CCDC88A: variants seen among roughly 807,000 people sequenced by gnomAD.
CCDC88A encodes coiled-coil and HOOK domain protein 88A.
Under a neutral mutation model 234.3 loss-of-function variants are expected in CCDC88A, and 54 were observed. The ratio of observed to expected loss-of-function variants is 0.23; its 90% CI spans 0.19 to 0.29. The LOEUF (loss-of-function observed/expected upper bound fraction) is 0.29. Ranked by LOEUF, CCDC88A falls within the 10% of genes least tolerant of loss-of-function variation. The pLI is 1.00. For missense variants in CCDC88A, 1,832 were observed against 2,123.4 expected, an observed-to-expected ratio of 0.86 and a Z score of 2.70; for synonymous variants, 753 against 737.8, an observed-to-expected ratio of 1.02 and a Z score of -0.33.
chr2:55,312,675 C>T lies in CCDC88A; in HGVS notation c.3934-96G>A. 4.6e-6 allele frequency: 4 copies of T among 865,938 alleles called. No individual in the cohort carries two copies. In the South Asian group the frequency reaches 5.0e-5, roughly 11 times the overall value. The allele number at this position is 865,938 out of a possible 1,614,324, so 53.6% of individuals were successfully genotyped here. A position where few individuals can be genotyped will look rare whatever the true frequency, so the allele number is the denominator to read the frequency against. On this transcript the variant is annotated intron_variant, in intron 22 of 32. Coordinates refer to ENST00000436346, the MANE Select transcript of CCDC88A (RefSeq NM_001365480.1). ...GTACTACACAAAGATTTAAGTGTTC[C>T]ACTGTTTGAACAATTAGATGATTGT...
intron 18 of CCDC88A, chr2:55,320,965 C>A (rs1683552230): frequency 6.6e-6 from 1 of 152,002 alleles, no homozygotes; most frequent in Admixed American, 6.6e-5. Flanking sequence ...CAAAAATTCG[C>A]TGGGTGTGGT....
At chr2:55,353,902 C>T (rs1322764160) in intron 8 of CCDC88A, among the ~76,000 whole-genome samples, 1 of 152,084 alleles carries the variant, frequency 6.6e-6, no homozygotes, top group African/African-American at 2.4e-5. Flanking sequence ...ACGAGTTAGG[C>T]GATTTCATCA....
rs3099082 is a variant in CCDC88A, at chr2:55,359,511, T to A, written c.627+2797A>T. ...CTATACATTTTCAAAATAGTCTGAC[T>A]CAAAAACAAACAAAATAATCTGACG... On this transcript the variant is annotated intron_variant, in intron 7 of 32. Transcript: ENST00000436346. Among the ~76,000 whole-genome samples, 385 of 151,522 alleles carry A rather than the reference T, an allele frequency of 2.5e-3. 3 individuals carry two copies. Among genetic ancestry groups the A allele is most frequent in the African/African-American group, 8.9e-3 (367 of 41,370 alleles).
chr2:55,350,636 T>TTTAAAATATATTA (rs1242579225), intron 8 of CCDC88A: 7 of 148,816 alleles, frequency 4.7e-5, no homozygotes, highest in African/African-American at 1.7e-4. Flanking sequence ...GTGTATATTA[T>TTTAAAATATATTA]TTAAAATATA....
At position 55,302,039 on chromosome 2, in the gene CCDC88A, G is replaced by A; in HGVS notation, c.4505C>T (p.Ala1502Val). 1.9e-6 allele frequency: 3 copies of A among 1,613,848 alleles called. No individual in the cohort carries two copies. Among genetic ancestry groups the A allele is most frequent in the Non-Finnish European group, 2.5e-6 (3 of 1,179,736 alleles). ...CTCAGTACTACCTGTCCACTGTCCTGCTAGGACCATGGACTGCACCAGGTC... is the reference window on the plus strand; with the variant it reads ...CTCAGTACTACCTGTCCACTGTCCTACTAGGACCATGGACTGCACCAGGTC... ...MNDLVQSMVL[A>V]GQWTGSTENL... Residue 1502 changes from alanine (A) to valine (V), a missense_variant, in exon 27 of 33, where the codon GCA becomes GTA. Around this residue, in one of 6 missense-constraint regions of CCDC88A, gnomAD observed 1,282 missense variants for 1,543.6 expected, o/e 0.83. Transcript: ENST00000436346.
chr2:55,418,348 T>C (rs1224998325), intron 2 of CCDC88A: 1 of 161,386 alleles, frequency 6.2e-6, no homozygotes, highest in Admixed American at 5.9e-5. Context: ...CAGAACTGTT[T>C]GAAATTTTCT....
intron 25 of CCDC88A, 195 bp downstream of exon 25, chr2:55,308,614 T>C: frequency 1.9e-6 from 1 of 539,410 alleles, no homozygotes; most frequent in Non-Finnish European, 3.3e-6. Flanking sequence ...GGCCAAATGA[T>C]AGTATATCTG....
At chr2:55,366,132 A>G (rs1298534292) in intron 5 of CCDC88A, among the ~76,000 whole-genome samples, 2 of 152,196 alleles carry the variant, frequency 1.3e-5, no homozygotes, top group African/African-American at 2.4e-5. Context: ...ATCTTTATGT[A>G]AAGTTCTTAA....
At chr2:55,292,013 C>T (rs1174291865) in intron 31 of CCDC88A, 1 of 245,100 alleles carries the variant, frequency 4.1e-6, no homozygotes, top group Non-Finnish European at 7.4e-6. Context: ...TTACATTTCC[C>T]CCCCTCTTAG....
rs565626092 is a variant in CCDC88A, at chr2:55,340,496, A to C, written c.1334-848T>G. ...AGCTTTTCTAGTCATCATGTTGTTAATCTTTTACTGAAAGCTGGTATACCG... is the reference window on the plus strand; with the variant it reads ...AGCTTTTCTAGTCATCATGTTGTTACTCTTTTACTGAAAGCTGGTATACCG... On this transcript the variant is annotated intron_variant, in intron 12 of 32. Coordinates refer to ENST00000436346, the MANE Select transcript of CCDC88A (RefSeq NM_001365480.1). Among the ~76,000 whole-genome samples, 3 of 152,320 alleles carry C rather than the reference A, an allele frequency of 2.0e-5. No homozygotes were observed. In the South Asian group the frequency reaches 6.2e-4, roughly 32 times the overall value.
At chr2:55,292,938 C>A (rs1018265199) in intron 31 of CCDC88A, 3 of 151,790 alleles carry the variant, frequency 2.0e-5, no homozygotes, top group Admixed American at 2.0e-4. Flanking sequence ...TTTCTGAAGT[C>A]CAGACTGTAT....
intron 2 of CCDC88A, among the ~76,000 whole-genome samples, chr2:55,414,106 C>G (rs2104997539): frequency 6.6e-6 from 1 of 152,272 alleles, no homozygotes. Context: ...CTCTCTATAA[C>G]TATCTAATAG....
chr2:55,306,351 C>T (rs1681564153), intron 25 of CCDC88A: 1 of 152,086 alleles, frequency 6.6e-6, no homozygotes, highest in South Asian at 2.1e-4. Flanking sequence ...TATAGATTTA[C>T]TTGGTGGACA....
At chr2:55,331,066 T>A (rs948955699) in intron 16 of CCDC88A, among the ~76,000 whole-genome samples, 1 of 152,228 alleles carries the variant, frequency 6.6e-6, no homozygotes, top group Non-Finnish European at 1.5e-5. Flanking sequence ...GCAAACTGTA[T>A]GAAGGGTCCA....
chr2:55,322,746 A>G, intron 17 of CCDC88A, 54 bp from the exon 18 acceptor site: 2 of 945,526 alleles, frequency 2.1e-6, no homozygotes, highest in Non-Finnish European at 3.1e-6. Flanking sequence ...CCACAGTTAC[A>G]TTTCTCTCAA....
chr2:55,299,265 A>T (rs1302591218), intron 29 of CCDC88A, among the ~76,000 whole-genome samples: 2 of 152,216 alleles, frequency 1.3e-5, no homozygotes, highest in Non-Finnish European at 2.9e-5. Context: ...AGAAAAAGGT[A>T]TCAGTCAAGG....
intron 5 of CCDC88A, among the ~76,000 whole-genome samples, chr2:55,364,929 G>A (rs570068403): frequency 1.3e-5 from 2 of 151,948 alleles, no homozygotes; most frequent in Non-Finnish European, 2.9e-5. Flanking sequence ...TGCATCTCCT[G>A]GGCCAATTAC....
rs1363119924 is a variant in CCDC88A, at chr2:55,384,543, A to ATG, written c.273+4234_273+4235insCA. On this transcript the variant is annotated intron_variant, in intron 3 of 32. Coordinates refer to ENST00000436346, the MANE Select transcript of CCDC88A (RefSeq NM_001365480.1). ...ATTATATATATATACATATATACGT[A>ATG]TATATGTGTATATATACACATATAT... Among the ~76,000 whole-genome samples the ATG allele has an allele frequency of 1.0e-4, 7 of 70,176 alleles. 1 individual carries two copies. The highest frequency in any genetic ancestry group is 5.2e-4 in the African/African-American group (7 of 13,346). The allele number at this position is 70,176 out of a possible 152,430, so 46.0% of individuals were successfully genotyped here. A position where few individuals can be genotyped will look rare whatever the true frequency, so the allele number is the denominator to read the frequency against.
chr2:55,355,318 C>A, intron 8 of CCDC88A: 1 of 312,352 alleles, frequency 3.2e-6, no homozygotes, highest in Non-Finnish European at 5.9e-6. Flanking sequence ...CTAAGAGCCC[C>A]AATTTGCCAA....
Sources: allele counts gnomAD v4.1 joint callset (sites outside exome capture counted in the v4.1 genomes callset), GRCh38; gene constraint gnomAD v4.1.1; regional missense constraint gnomAD v4.1.1; transcripts MANE v1.5; gene names NCBI Gene and HGNC (gene_info 2026-07-23, HGNC 2026-07-21).